The following CDH4 variants were observed in gnomAD, a reference collection of about 807,000 sequenced individuals.
CDH4 encodes cadherin-4.
In CDH4, 33 loss-of-function variants were observed where a neutral mutation model predicts 86.0. That is an observed-to-expected ratio of 0.38 (90% CI 0.29 to 0.51). CDH4 has a LOEUF of 0.51. Among genes scored for constraint, CDH4 ranks in the 20% least tolerant of loss-of-function variants. The pLI is 0.86. For synonymous variants in CDH4, 555 were observed against 549.4 expected (o/e 1.01, Z -0.14); for missense variants, 1,114 against 1,307.4 (o/e 0.85, Z 2.28).
intron 2 of CDH4, among the ~76,000 whole-genome samples, chr20:61,406,453 C>T (rs2085083286): frequency 7.0e-6 from 1 of 143,782 alleles, no homozygotes; most frequent in Non-Finnish European, 1.5e-5. Flanking sequence ...CCTGGACCAC[C>T]ATCTGCCATC....
At chr20:61,325,328 G>A (rs886884957) in intron 2 of CDH4, among the ~76,000 whole-genome samples, 2 of 152,166 alleles carry the variant, frequency 1.3e-5, no homozygotes, top group African/African-American at 4.8e-5. Flanking sequence ...GTGGCCGTAA[G>A]GCAAATCCAA....
At chr20:61,344,390 T>G (rs1044228210) in intron 2 of CDH4, among the ~76,000 whole-genome samples, 2 of 152,194 alleles carry the variant, frequency 1.3e-5, no homozygotes, top group Non-Finnish European at 2.9e-5. Flanking sequence ...GCTTTTCTGT[T>G]TATTTGTAAT....
intron 2 of CDH4, among the ~76,000 whole-genome samples, chr20:61,268,381 C>A (rs946573176): frequency 6.6e-6 from 1 of 152,268 alleles, no homozygotes; most frequent in Non-Finnish European, 1.5e-5. Context: ...CGAGTGGGAC[C>A]TGCACACGGG....
At chr20:61,584,075 A>G (rs2086452257) in intron 2 of CDH4, among the ~76,000 whole-genome samples, 1 of 152,178 alleles carries the variant, frequency 6.6e-6, no homozygotes, top group Admixed American at 6.5e-5. Flanking sequence ...CATGAGACTC[A>G]CTTGAACTCA....
chr20:61,278,727 C>T (rs1368378077), intron 2 of CDH4, among the ~76,000 whole-genome samples: 1 of 152,250 alleles, frequency 6.6e-6, no homozygotes, highest in Non-Finnish European at 1.5e-5. Flanking sequence ...GATCTTTTCT[C>T]CCCTCGAGAA....
At chr20:61,819,616 T>C (rs1409379236) in intron 4 of CDH4, among the ~76,000 whole-genome samples, 1 of 152,218 alleles carries the variant, frequency 6.6e-6, no homozygotes, top group Non-Finnish European at 1.5e-5. Context: ...ACACCAGTTA[T>C]AAGAAAGTAT....
intron 2 of CDH4, among the ~76,000 whole-genome samples, chr20:61,595,520 G>A (rs536058276): frequency 1.3e-5 from 2 of 152,172 alleles, no homozygotes; most frequent in Admixed American, 6.5e-5. Flanking sequence ...ACACCCCGTG[G>A]GGCCCTCCCT....
At chr20:61,872,459 C>T (rs1983847094) in intron 6 of CDH4, among the ~76,000 whole-genome samples, 1 of 152,130 alleles carries the variant, frequency 6.6e-6, no homozygotes. Context: ...TCATCTCATG[C>T]ACACGGGAAC....
Position 61,565,086 on chromosome 20 carries a change from GTGCTCTTGGTGGTGCTCT to G in CDH4, c.170-178474_170-178457del, listed in dbSNP as rs1253422021. Among the ~76,000 whole-genome samples the G allele has an allele frequency of 6.6e-4, 72 of 108,638 alleles. 1 individual carries two copies. The highest frequency in any genetic ancestry group is 1.8e-3 in the East Asian group (7 of 3,954). The allele number at this position is 108,638 out of a possible 152,430, so 71.3% of individuals were successfully genotyped here. On this transcript the variant is annotated intron_variant, in intron 2 of 15. Coordinates refer to ENST00000614565, the MANE Select transcript of CDH4 (RefSeq NM_001794.5). ...CTTGGTGGTGGTGGTGGTGGTGGTG[GTGCTCTTGGTGGTGCTCT>G]TGGTGGTGCTGGTGCTCTTGGTGGT...
intron 2 of CDH4, among the ~76,000 whole-genome samples, chr20:61,467,328 A>G (rs2085478093): frequency 6.6e-6 from 1 of 152,236 alleles, no homozygotes; most frequent in African/African-American, 2.4e-5. Flanking sequence ...CTTACTACAT[A>G]TCAGCGTTCC....
chr20:61,724,597 C>T (rs943323755), intron 2 of CDH4, among the ~76,000 whole-genome samples: 2 of 152,184 alleles, frequency 1.3e-5, no homozygotes, highest in African/African-American at 2.4e-5. Context: ...TCTCCTGCTG[C>T]CCCTTCGCCC....
At chr20:61,342,732 C>T (rs752937949) in intron 2 of CDH4, among the ~76,000 whole-genome samples, 10 of 150,832 alleles carry the variant, frequency 6.6e-5, no homozygotes, top group East Asian at 5.9e-4. Flanking sequence ...GTATCCTGGG[C>T]GGGGAGATCC....
intron 2 of CDH4, among the ~76,000 whole-genome samples, chr20:61,532,936 G>A (rs996293038): frequency 3.3e-5 from 5 of 152,284 alleles, no homozygotes; most frequent in East Asian, 1.9e-4. Flanking sequence ...ATCAAGGTAC[G>A]GGCCGGGGCT....
At chr20:61,376,384 T>C (rs1404478988) in intron 2 of CDH4, among the ~76,000 whole-genome samples, 1 of 152,016 alleles carries the variant, frequency 6.6e-6, no homozygotes, top group Non-Finnish European at 1.5e-5. Context: ...GCCGGAGCCA[T>C]CTTCTTGGAG....
In CDH4 at chr20:61,383,777, A is replaced by ATATATATATGAAGATATATATGCG. The variant is rs1568823370; in HGVS notation, c.169+128847_169+128848insATGAAGATATATATGCGTATATAT. Among the ~76,000 whole-genome samples, 137 of 47,300 alleles carry ATATATATATGAAGATATATATGCG rather than the reference A, an allele frequency of 2.9e-3. 2 individuals carry two copies. Among genetic ancestry groups the ATATATATATGAAGATATATATGCG allele is most frequent in the African/African-American group, 0.02 (115 of 5,780 alleles). 31.0% of individuals were successfully genotyped at this position (47,300 alleles called of 152,430 possible). On this transcript the variant is annotated intron_variant, in intron 2 of 15. Coordinates refer to ENST00000614565, the MANE Select transcript of CDH4 (RefSeq NM_001794.5). Reference sequence around the variant, plus strand: ...TGCATATATATGAAGATATATATGCATATATATGAAGATATATATGCATAT... The same window carrying ATATATATATGAAGATATATATGCG: ...TGCATATATATGAAGATATATATGCATATATATATGAAGATATATATGCGTATATATGAAGATATATATGCATAT...
intron 7 of CDH4, among the ~76,000 whole-genome samples, chr20:61,876,945 A>G (rs1314344154): frequency 3.9e-5 from 6 of 152,172 alleles, no homozygotes; most frequent in African/African-American, 1.4e-4. Context: ...ACCCCTCTTC[A>G]TAGCTGAAAA....
intron 2 of CDH4, among the ~76,000 whole-genome samples, chr20:61,303,412 C>T (rs1208952680): frequency 6.6e-6 from 1 of 152,190 alleles, no homozygotes; most frequent in Non-Finnish European, 1.5e-5. Context: ...GCAAGGGGCT[C>T]GAGGCACAGC....
chr20:61,782,272 G>A (rs1978589180), intron 4 of CDH4, among the ~76,000 whole-genome samples: 1 of 152,180 alleles, frequency 6.6e-6, no homozygotes, highest in Non-Finnish European at 1.5e-5. Context: ...TCACGCCACT[G>A]CACTGCAGCC....
chr20:61,601,364 A>G (rs1326767833), intron 2 of CDH4, among the ~76,000 whole-genome samples: 1 of 152,112 alleles, frequency 6.6e-6, no homozygotes, highest in East Asian at 1.9e-4. Flanking sequence ...TCACAGTTCA[A>G]CGGGAGATTT....
Sources: gnomAD v4.1 joint callset for allele counts (sites outside exome capture counted in the v4.1 genomes callset) on GRCh38, gnomAD v4.1.1 for gene constraint, MANE v1.5 for transcripts, NCBI Gene and HGNC (gene_info 2026-07-23, HGNC 2026-07-21) for gene names.